The following NOS1AP variants were observed in gnomAD, a reference collection of about 807,000 sequenced individuals.
The protein encoded by NOS1AP is nitric oxide synthase 1 adaptor protein, also known as carboxyl-terminal PDZ ligand of neuronal nitric oxide synthase protein.
A neutral mutation model predicts 56.2 loss-of-function variants in NOS1AP; 21 were observed. That is an observed-to-expected ratio of 0.37 (90% CI 0.26 to 0.54). NOS1AP has a LOEUF of 0.54. NOS1AP is among the 20% of genes least tolerant of loss of function. The pLI, the probability that NOS1AP is intolerant of heterozygous loss-of-function variation, is 0.84. For synonymous variants in NOS1AP, 270 were observed against 274.6 expected (o/e 0.98, Z 0.17); for missense variants, 522 against 657.8 (o/e 0.79, Z 2.26).
intron 2 of NOS1AP, among the ~76,000 whole-genome samples, chr1:162,245,573 C>T (rs879477234): frequency 6.6e-6 from 1 of 152,210 alleles, no homozygotes; most frequent in Non-Finnish European, 1.5e-5. Context: ...AAAGCAAATG[C>T]AAGCGCTTGT....
At position 162,367,618 on chromosome 1, in the gene NOS1AP, A is replaced by C; in HGVS notation, c.*151A>C. The stretch of plus-strand genomic sequence containing the variant: ...TGTGAGGTTTCAGGAAAGTATTGAG[A>C]TTCTGCTTTGGAGGGTAAAGTGGGG... On this transcript the variant is annotated 3_prime_UTR_variant, in exon 10 of 10. Coordinates refer to ENST00000361897, the MANE Select transcript of NOS1AP (RefSeq NM_014697.3). This position sits in a 1 kb window ranked among gnomAD's most constrained non-coding sequence, Gnocchi z 6.5. The C allele has an allele frequency of 1.1e-6, 1 of 879,146 alleles. No homozygotes were observed. Among genetic ancestry groups the C allele is most frequent in the East Asian group, 2.7e-5 (1 of 37,340 alleles). The allele number at this position is 879,146 out of a possible 1,614,324, so 54.5% of individuals were successfully genotyped here. A position where few individuals can be genotyped will look rare whatever the true frequency, so the allele number is the denominator to read the frequency against.
At chr1:162,348,522 C>T (rs566020500) in intron 6 of NOS1AP, among the ~76,000 whole-genome samples, 2 of 152,290 alleles carry the variant, frequency 1.3e-5, no homozygotes, top group South Asian at 2.1e-4. Context: ...CATTACTATA[C>T]GTGAGACCTC....
intron 1 of NOS1AP, among the ~76,000 whole-genome samples, chr1:162,136,084 G>A (rs1648989727): frequency 6.6e-6 from 1 of 152,104 alleles, no homozygotes; most frequent in Non-Finnish European, 1.5e-5. Flanking sequence ...TATAAAAATG[G>A]CCTCAACAAA....
chr1:162,103,400 C>G (rs899559872), intron 1 of NOS1AP, among the ~76,000 whole-genome samples: 2 of 151,994 alleles, frequency 1.3e-5, no homozygotes, highest in Non-Finnish European at 2.9e-5. Flanking sequence ...GAGAAGAATG[C>G]ATATTCTGTT....
At chr1:162,189,777 G>T (rs1360962341) in intron 2 of NOS1AP, among the ~76,000 whole-genome samples, 1 of 152,202 alleles carries the variant, frequency 6.6e-6, no homozygotes, top group African/African-American at 2.4e-5. Context: ...TCTGGGGAAG[G>T]CCAGGTGGGG....
intron 2 of NOS1AP, among the ~76,000 whole-genome samples, chr1:162,195,981 A>T (rs577846769): frequency 1.3e-5 from 2 of 152,348 alleles, no homozygotes; most frequent in South Asian, 4.1e-4. Flanking sequence ...TGTCAAAATG[A>T]TTAAATAAAT....
At chr1:162,329,617 C>T (rs1179125411) in intron 4 of NOS1AP, among the ~76,000 whole-genome samples, 2 of 152,156 alleles carry the variant, frequency 1.3e-5, no homozygotes, top group Non-Finnish European at 2.9e-5. Flanking sequence ...TGAGCACTCA[C>T]CTTCCTCTAC....
intron 2 of NOS1AP, among the ~76,000 whole-genome samples, chr1:162,265,224 C>CTTT (rs61039086): frequency 1.3e-5 from 2 of 148,326 alleles, no homozygotes. Context: ...GGGTCGTTTT[C>CTTT]TTTTTTTTTT....
At chr1:162,227,523 C>G (rs1652983776) in intron 2 of NOS1AP, among the ~76,000 whole-genome samples, 1 of 152,288 alleles carries the variant, frequency 6.6e-6, no homozygotes, top group Middle Eastern at 3.4e-3. Flanking sequence ...GGACCATGCT[C>G]CTTGCAAGTT....
chr1:162,329,624 C>G (rs1380074125), intron 4 of NOS1AP, among the ~76,000 whole-genome samples: 2 of 152,168 alleles, frequency 1.3e-5, no homozygotes, highest in East Asian at 3.8e-4. Context: ...TCACCTTCCT[C>G]TACTCTCCCC....
At chr1:162,127,454 A>C (rs1558111728) in intron 1 of NOS1AP, among the ~76,000 whole-genome samples, 2 of 152,156 alleles carry the variant, frequency 1.3e-5, no homozygotes, top group African/African-American at 4.8e-5. Context: ...CTAAATACTT[A>C]AGATAAACAT....
chr1:162,179,398 C>T (rs1651174385), intron 2 of NOS1AP, among the ~76,000 whole-genome samples: 1 of 152,090 alleles, frequency 6.6e-6, no homozygotes, highest in African/African-American at 2.4e-5. Context: ...AATCTGTGTT[C>T]TTATTTGTCA....
At chr1:162,185,868 G>C (rs976337174) in intron 2 of NOS1AP, among the ~76,000 whole-genome samples, 14 of 152,232 alleles carry the variant, frequency 9.2e-5, no homozygotes, top group African/African-American at 3.4e-4. Flanking sequence ...CCCTCCTCTG[G>C]AATCATATTT....
chr1:162,114,893 G>T (rs193179288), intron 1 of NOS1AP, among the ~76,000 whole-genome samples: 94 of 152,304 alleles, frequency 6.2e-4, no homozygotes, highest in Admixed American at 4.1e-3. Flanking sequence ...ATCTCCTGTT[G>T]CATTTGTCTG....
intron 4 of NOS1AP, among the ~76,000 whole-genome samples, chr1:162,307,787 G>A (rs1348730205): frequency 6.6e-6 from 1 of 151,646 alleles, no homozygotes; most frequent in Non-Finnish European, 1.5e-5. Context: ...CTCCTGCCTG[G>A]GTGACAGAGC....
chr1:162,127,527 TA>T (rs76852734), intron 1 of NOS1AP, among the ~76,000 whole-genome samples: 1,922 of 113,282 alleles, frequency 0.017, 22 homozygotes, highest in African/African-American at 0.039. Flanking sequence ...GGGTACTTTA[TA>T]AAAAAAAAAA....
intron 2 of NOS1AP, among the ~76,000 whole-genome samples, chr1:162,163,574 T>C (rs1650333647): frequency 6.6e-6 from 1 of 152,138 alleles, no homozygotes; most frequent in Non-Finnish European, 1.5e-5. Flanking sequence ...TGGGTTCTGA[T>C]GACACTTGAG....
At chr1:162,227,152 A>G (rs1335680289) in intron 2 of NOS1AP, among the ~76,000 whole-genome samples, 2 of 152,220 alleles carry the variant, frequency 1.3e-5, no homozygotes, top group East Asian at 3.8e-4. Flanking sequence ...AGTTATCTCT[A>G]TTAACATTCA....
chr1:162,120,977 T>C (rs534607416), intron 1 of NOS1AP, among the ~76,000 whole-genome samples: 2 of 152,070 alleles, frequency 1.3e-5, no homozygotes, highest in African/African-American at 4.8e-5. Context: ...CCTACATCTC[T>C]GATGAGCAGA....
Sources: gnomAD v4.1 joint callset for allele counts (sites outside exome capture counted in the v4.1 genomes callset) on GRCh38, gnomAD v4.1.1 for gene constraint, Gnocchi (gnomAD v3.1) non-coding constraint, MANE v1.5 for transcripts, NCBI Gene and HGNC (gene_info 2026-07-23, HGNC 2026-07-21) for gene names.